The following C16orf46 variants were observed in gnomAD, a reference collection of about 807,000 sequenced individuals.
The protein encoded by C16orf46 is chromosome 16 open reading frame 46.
C16orf46 carries 7 observed loss-of-function variants against 5.5 expected under a neutral mutation model. The observed-to-expected ratio is 1.28, with a 90% CI of 0.73 to 2.40. C16orf46 has a LOEUF of 2.40. Among genes scored for constraint, C16orf46 ranks in the 30% most tolerant of loss-of-function variants. The pLI, the probability that C16orf46 is intolerant of heterozygous loss-of-function variation, is 0.00. For missense variants in C16orf46, 614 were observed against 476.0 expected (o/e 1.29, Z -2.70); for synonymous variants, 200 against 184.1 (o/e 1.09, Z -0.70).
intron 1 of C16orf46, chr16:81,070,056 C>G (rs183784956): frequency 6.6e-6 from 1 of 151,822 alleles, no homozygotes; most frequent in South Asian, 2.1e-4. Flanking sequence ...ACCCAAGAGG[C>G]GGAGCTTGCA....
chr16:81,054,742 G>C (rs1971246349), intron 3 of C16orf46, among the ~76,000 whole-genome samples: 1 of 152,058 alleles, frequency 6.6e-6, no homozygotes, highest in South Asian at 2.1e-4. Context: ...TCCACCTCCA[G>C]GGTTCAAGAC....
Position 81,077,163 on chromosome 16 carries a change from C to G in C16orf46, c.-155G>C, listed in dbSNP as rs993847584. The G allele has an allele frequency of 6.6e-6, 1 of 152,444 alleles. No homozygotes were observed. The highest frequency in any genetic ancestry group is 2.4e-5 in the African/African-American group (1 of 41,488). 9.4% of individuals were successfully genotyped at this position (152,444 alleles called of 1,614,324 possible). A position where few individuals can be genotyped will look rare whatever the true frequency, so the allele number is the denominator to read the frequency against. On this transcript the variant is annotated 5_prime_UTR_variant, in exon 1 of 4. Coordinates refer to ENST00000299578, the MANE Select transcript of C16orf46 (RefSeq NM_152337.3). ...GTGGGGCCAAGCGGATGGAAGGCCC[C>G]GAGACAGCTAGTCCCGGCCTACTGG...
intron 1 of C16orf46, among the ~76,000 whole-genome samples, chr16:81,067,004 C>T (rs1005592123): frequency 6.6e-6 from 1 of 152,096 alleles, no homozygotes; most frequent in African/African-American, 2.4e-5. Context: ...TGATTAGAAC[C>T]AACATGTACA....
rs1380514659 is a variant in C16orf46, at chr16:81,063,893, G to A, written c.63C>T (p.Phe21=). The A allele has an allele frequency of 6.2e-7, 1 of 1,613,342 alleles. No individual in the cohort carries two copies. The highest frequency in any genetic ancestry group is 1.3e-5 in the African/African-American group (1 of 74,822). ...LENAENNEIQ[F]TEETEPTYTC... Reference sequence around the variant, plus strand: ...TATAGGTTGGTTCTGTTTCTTCTGTGAACTGAATTTCATTATTTTCAGCAT... The same window carrying A: ...TATAGGTTGGTTCTGTTTCTTCTGTAAACTGAATTTCATTATTTTCAGCAT... Residue 21 remains phenylalanine (F), a synonymous_variant, in exon 3 of 4, where the codon TTC becomes TTT. Coordinates refer to ENST00000299578, the MANE Select transcript of C16orf46 (RefSeq NM_152337.3).
At chr16:81,062,879 C>CTTTTTTTTTTTTT (rs35694573) in intron 3 of C16orf46, among the ~76,000 whole-genome samples, 7 of 138,340 alleles carry the variant, frequency 5.1e-5, no homozygotes, top group Non-Finnish European at 7.7e-5. Context: ...TAGTTTTATG[C>CTTTTTTTTTTTTT]TTTTTTTTTT....
chr16:81,053,787 G>A (rs1971213563), exon 4 of C16orf46: 1 of 338,092 alleles, frequency 3.0e-6, no homozygotes, highest in African/African-American at 2.1e-5. Context: ...TCTCCACGGT[G>A]ACTTTGTTAT....
At position 81,061,609 on chromosome 16, in the gene C16orf46, C is replaced by T. The variant is rs1199299016; in HGVS notation, c.740G>A (p.Gly247Glu). Residue 247 changes from glycine (G) to glutamate (E), a missense_variant, in exon 4 of 4, where the codon GGG becomes GAG. By Grantham distance (98) the Gly-to-Glu change is moderately conservative. Coordinates refer to ENST00000299578, the MANE Select transcript of C16orf46 (RefSeq NM_152337.3). ...CAAGCCATATGCATAAGCCACACAC[C>T]CATCCTTTTCCACATCCAGCACCTT... Reference protein sequence around the residue: ...EEKVLDVEKDGCVAYAYGLKT... With the variant: ...EEKVLDVEKDECVAYAYGLKT... The T allele has an allele frequency of 6.2e-7, 1 of 1,614,060 alleles. No homozygotes were observed. The highest frequency in any genetic ancestry group is 1.3e-5 in the African/African-American group (1 of 74,920).
intron 3 of C16orf46, chr16:81,055,312 A>T (rs1186095829): frequency 1.3e-5 from 2 of 152,216 alleles, no homozygotes; most frequent in Non-Finnish European, 2.9e-5. Flanking sequence ...AAAAAAATAA[A>T]GGCTTAGTGA....
At chr16:81,074,472 C>T (rs1971960232) in intron 1 of C16orf46, among the ~76,000 whole-genome samples, 1 of 152,090 alleles carries the variant, frequency 6.6e-6, no homozygotes, top group Admixed American at 6.6e-5. Context: ...GCAACCTCTG[C>T]CTCTTGGGTT....
At chr16:81,058,392 T>G (rs941375607), downstream of C16orf46, among the ~76,000 whole-genome samples, 1 of 152,174 alleles carries the variant, frequency 6.6e-6, no homozygotes, top group Non-Finnish European at 1.5e-5. Flanking sequence ...CTGGAACACC[T>G]CCGTATGCAC....
chr16:81,060,566 T>TC (rs1266356183), downstream of C16orf46: 1 of 152,798 alleles, frequency 6.5e-6, no homozygotes, highest in South Asian at 2.1e-4. Flanking sequence ...TGCCTTGGCC[T>TC]CCCAAAGTGC....
chr16:81,063,824 A>G lies in C16orf46; in HGVS notation c.132T>C (p.Leu44=). 6.2e-7 allele frequency: 1 copy of G among 1,614,094 alleles called. No homozygotes were observed. Among genetic ancestry groups the G allele is most frequent in the African/African-American group, 1.3e-5 (1 of 75,040 alleles). ...GKSEKNHVYC[L]LDVSDITLEQ... ...CAAGCGTAATGTCACTGACATCGAG[A>G]AGACAATAAACATGATTTTTTTCAC... is the stretch of plus-strand genomic sequence containing the variant. The change falls in exon 3 of 4, where the codon CTT becomes CTC. Residue 44 remains leucine, a synonymous_variant. Transcript: ENST00000299578.
At chr16:81,056,063 T>G (rs1009817384), downstream of C16orf46, 1 of 152,302 alleles carries the variant, frequency 6.6e-6, no homozygotes, top group East Asian at 1.9e-4. Context: ...ATTTGTAGTT[T>G]AAGCTAAACG....
At chr16:81,073,313 T>C (rs367927815) in intron 1 of C16orf46, among the ~76,000 whole-genome samples, 64 of 152,332 alleles carry the variant, frequency 4.2e-4, no homozygotes, top group African/African-American at 1.5e-3. Flanking sequence ...ACTAAAAATA[T>C]GCTTAATTCT....
In C16orf46 at chr16:81,067,711, C is replaced by T. The variant is rs551204932; in HGVS notation, c.-127-1430G>A. On this transcript the variant is annotated intron_variant, in intron 1 of 3. Coordinates refer to ENST00000299578, the MANE Select transcript of C16orf46 (RefSeq NM_152337.3). ...GGGATTACAGGCGTGCGCTACCATG[C>T]AGGGCTAATTTTTGTATTTTTAGTA... is the stretch of plus-strand genomic sequence containing the variant. 2.0e-5 allele frequency among the ~76,000 whole-genome samples: 3 copies of T among 152,182 alleles called. No individual in the cohort carries two copies. In the South Asian group the frequency reaches 6.2e-4, roughly 32 times the overall value.
chr16:81,061,073 G>C lies in C16orf46; in HGVS notation c.*88C>G, dbSNP rs1971447107. 9 of 1,464,766 alleles carry C rather than the reference G, an allele frequency of 6.1e-6. No homozygotes were observed. Among genetic ancestry groups the C allele is most frequent in the Admixed American group, 4.7e-5 (2 of 42,106 alleles). 90.7% of individuals were successfully genotyped at this position (1,464,766 alleles called of 1,614,324 possible). On this transcript the variant is annotated 3_prime_UTR_variant, in exon 4 of 4. Transcript: ENST00000299578. Reference sequence around the variant, plus strand: ...ACGGGGAGGAGAGAAAGAGAGAGTGGGGGGTGGGTGGGAAATGAGAGAGAA... The same window carrying C: ...ACGGGGAGGAGAGAAAGAGAGAGTGCGGGGTGGGTGGGAAATGAGAGAGAA...
intron 2 of C16orf46, among the ~76,000 whole-genome samples, chr16:81,064,574 C>T (rs1291243599): frequency 6.6e-6 from 1 of 151,736 alleles, no homozygotes; most frequent in African/African-American, 2.4e-5. Flanking sequence ...ATGGCGAAAC[C>T]CCATCTCTAC....
rs548353870 is a variant in C16orf46, at chr16:81,069,181, C to G, written c.-127-2900G>C. Among the ~76,000 whole-genome samples, 195 of 152,292 alleles carry G rather than the reference C, an allele frequency of 1.3e-3. 1 individual carries two copies. The highest frequency in any genetic ancestry group is 4.5e-3 in the African/African-American group (188 of 41,568). On this transcript the variant is annotated intron_variant, in intron 1 of 3. Coordinates refer to ENST00000299578, the MANE Select transcript of C16orf46 (RefSeq NM_152337.3). ...GCCAGGCTCTTTTTGAAGAAGGCTG[C>G]AGTGGGTACACTTGAATTAGGAGGA... is the stretch of plus-strand genomic sequence containing the variant.
chr16:81,061,471 T>A lies in C16orf46; in HGVS notation c.878A>T (p.Asp293Val). 1 of 1,614,136 alleles carries A rather than the reference T, an allele frequency of 6.2e-7. No individual in the cohort carries two copies. Among genetic ancestry groups the A allele is most frequent in the Non-Finnish European group, 8.5e-7 (1 of 1,180,020 alleles). Reference sequence around the variant, plus strand: ...CCAATGCAGGCAGCGCTGCTCCGGATCGGTCAGCAGGGATATCTGGGCCGC... The same window carrying A: ...CCAATGCAGGCAGCGCTGCTCCGGAACGGTCAGCAGGGATATCTGGGCCGC... ...SPAAQISLLTDPEQRCLHWSL... is the reference protein window; with the variant it reads ...SPAAQISLLTVPEQRCLHWSL... The change falls in exon 4 of 4, where the codon GAT (aspartate) becomes GTT (valine). Residue 293 changes from aspartate to valine, a missense_variant. By Grantham distance (152) the Asp-to-Val change is radical (BLOSUM62 -3). Coordinates refer to ENST00000299578, the MANE Select transcript of C16orf46 (RefSeq NM_152337.3).
Sources: allele counts gnomAD v4.1 joint callset (sites outside exome capture counted in the v4.1 genomes callset), GRCh38; gene constraint gnomAD v4.1.1; transcripts MANE v1.5; gene names NCBI Gene and HGNC (gene_info 2026-07-23, HGNC 2026-07-21).